Variants in ATP10A observed in about 807,000 individuals in gnomAD.
ATP10A encodes the protein phospholipid-transporting ATPase VA.
A neutral mutation model predicts 147.8 loss-of-function variants in ATP10A; 111 were observed. That is an observed-to-expected ratio of 0.75 (90% CI 0.64 to 0.88). The LOEUF is 0.88. Ranked by LOEUF, ATP10A falls within the 40% of genes least tolerant of loss-of-function variation. The pLI is 0.00. For synonymous variants in ATP10A, 875 were observed against 841.6 expected (o/e 1.04, Z -0.69); for missense variants, 1,927 against 1,959.0 (o/e 0.98, Z 0.31).
chr15:25,800,570 T>C (rs542520360), intron 1 of ATP10A, among the ~76,000 whole-genome samples: 1 of 152,322 alleles, frequency 6.6e-6, no homozygotes, highest in Non-Finnish European at 1.5e-5. Flanking sequence ...CCTGGCACTG[T>C]TCCACCGTGC....
intron 15 of ATP10A, among the ~76,000 whole-genome samples, chr15:25,688,827 C>T (rs1264143999): frequency 6.6e-6 from 1 of 152,170 alleles, no homozygotes; most frequent in Non-Finnish European, 1.5e-5. Context: ...AGCAAATGTC[C>T]CTCTACCTCT....
intron 13 of ATP10A, among the ~76,000 whole-genome samples, chr15:25,695,793 A>G (rs1039389760): frequency 1.3e-5 from 2 of 152,142 alleles, no homozygotes; most frequent in Non-Finnish European, 2.9e-5. Flanking sequence ...ACTTCTTGAT[A>G]GTTCTCAGAG....
intron 1 of ATP10A, among the ~76,000 whole-genome samples, chr15:25,792,458 G>A (rs551802873): frequency 1.3e-5 from 2 of 152,320 alleles, no homozygotes; most frequent in East Asian, 1.9e-4. Flanking sequence ...ATGCCCCAAA[G>A]CCTCAACAAA....
intron 10 of ATP10A, among the ~76,000 whole-genome samples, chr15:25,713,218 T>G (rs1162977197): frequency 3.3e-5 from 5 of 152,134 alleles, no homozygotes; most frequent in Non-Finnish European, 7.4e-5. Flanking sequence ...GGCTCGGCCC[T>G]TCCCCTCCCA....
At chr15:25,696,207 C>G (rs115009836) in intron 13 of ATP10A, among the ~76,000 whole-genome samples, 3 of 152,180 alleles carry the variant, frequency 2.0e-5, no homozygotes, top group Non-Finnish European at 4.4e-5. Context: ...TACTGAGGAT[C>G]CTTTGTATTC....
At chr15:25,863,354 G>T (rs573830359), upstream of ATP10A, 2 of 161,038 alleles carry the variant, frequency 1.2e-5, no homozygotes, top group South Asian at 4.0e-4. Flanking sequence ...GAGCCCCCTT[G>T]TCCTCGCCGC....
chr15:25,774,582 GAAAA>G (rs201795381), intron 2 of ATP10A, among the ~76,000 whole-genome samples: 1 of 141,822 alleles, frequency 7.1e-6, no homozygotes, highest in Non-Finnish European at 1.5e-5. Flanking sequence ...GTCTCAAAAA[GAAAA>G]AAAAAAAAAA....
At chr15:25,684,299 G>C (rs892105289) in intron 16 of ATP10A, among the ~76,000 whole-genome samples, 8 of 152,204 alleles carry the variant, frequency 5.3e-5, no homozygotes, top group Non-Finnish European at 1.0e-4. Context: ...TGACAGTTTA[G>C]TGATTGCAAA....
intron 1 of ATP10A, among the ~76,000 whole-genome samples, chr15:25,846,735 T>C (rs749003058): frequency 1.3e-4 from 20 of 152,238 alleles, no homozygotes; most frequent in Admixed American, 7.2e-4. Flanking sequence ...CTGGAAGATG[T>C]TCTGGGTAGT....
intron 1 of ATP10A, among the ~76,000 whole-genome samples, chr15:25,807,965 GA>G (rs953260471): frequency 5.0e-4 from 73 of 146,940 alleles, no homozygotes; most frequent in African/African-American, 1.7e-3. Context: ...ATACCAGTAG[GA>G]AAAAAAAAAC....
chr15:25,706,609 C>T (rs2140361349), intron 12 of ATP10A, among the ~76,000 whole-genome samples: 1 of 152,296 alleles, frequency 6.6e-6, no homozygotes, highest in South Asian at 2.1e-4. Context: ...GGAGAAGGGG[C>T]AGCCTGGGAC....
chr15:25,695,159 T>A lies in ATP10A; in HGVS notation c.2761-13A>T. 1 of 1,600,876 alleles carries A rather than the reference T, an allele frequency of 6.2e-7. No homozygotes were observed. The highest frequency in any genetic ancestry group is 8.5e-7 in the Non-Finnish European group (1 of 1,171,810). The stretch of plus-strand genomic sequence containing the variant: ...CTGCACACGCCTCCTGAAAGGGACA[T>A]GAGAGGACAGCGCAGTTCCCTCAGA... On this transcript the variant is annotated splice_polypyrimidine_tract_variant and intron_variant, in intron 13 of 20. Transcript: ENST00000555815.
At chr15:25,694,793 G>T in intron 14 of ATP10A, 26 bp downstream of exon 14, 1 of 1,576,344 alleles carries the variant, frequency 6.3e-7, no homozygotes, top group Non-Finnish European at 8.6e-7. Flanking sequence ...CTGGGAGGAG[G>T]CCGTCTGGCC....
intron 19 of ATP10A, 57 bp downstream of exon 19, chr15:25,680,753 T>C: frequency 6.7e-7 from 1 of 1,489,324 alleles, no homozygotes; most frequent in African/African-American, 1.4e-5. Flanking sequence ...TGCAGGGAAG[T>C]GTGGGGTCCA....
At chr15:25,832,917 C>T (rs903914692) in intron 1 of ATP10A, among the ~76,000 whole-genome samples, 1 of 151,894 alleles carries the variant, frequency 6.6e-6, no homozygotes, top group African/African-American at 2.4e-5. Flanking sequence ...GGCAATATCA[C>T]TCTGTGCTCC....
chr15:25,796,834 G>T (rs988259058), intron 1 of ATP10A, among the ~76,000 whole-genome samples: 1 of 152,168 alleles, frequency 6.6e-6, no homozygotes, highest in Non-Finnish European at 1.5e-5. Flanking sequence ...TCCTCCTTCC[G>T]TAGCTTTGGA....
chr15:25,701,568 C>T (rs1042618275), intron 13 of ATP10A, among the ~76,000 whole-genome samples: 4 of 152,152 alleles, frequency 2.6e-5, no homozygotes, highest in Admixed American at 6.5e-5. Context: ...GTCCTCAGTG[C>T]CTGCAATGAT....
chr15:25,813,354 A>G (rs1281124862), intron 1 of ATP10A, among the ~76,000 whole-genome samples: 1 of 152,190 alleles, frequency 6.6e-6, no homozygotes, highest in Non-Finnish European at 1.5e-5. Context: ...CCCAACTAAG[A>G]AAGGTTAAAA....
chr15:25,677,143 G>A (rs1330545276), downstream of ATP10A: 1 of 151,974 alleles, frequency 6.6e-6, no homozygotes, highest in East Asian at 1.9e-4. Flanking sequence ...TTGTTACCAA[G>A]CCTCAGGAAG....
Sources: gnomAD v4.1 joint callset for allele counts (sites outside exome capture counted in the v4.1 genomes callset) on GRCh38, gnomAD v4.1.1 for gene constraint, MANE v1.5 for transcripts, NCBI Gene and HGNC (gene_info 2026-07-23, HGNC 2026-07-21) for gene names.